PER2: variants seen among roughly 807,000 people sequenced by gnomAD.
The protein encoded by PER2 is period circadian protein homolog 2.
In PER2, 66 loss-of-function variants were observed where a neutral mutation model predicts 121.0. That is an observed-to-expected ratio of 0.55 (90% CI 0.45 to 0.67). The LOEUF (loss-of-function observed/expected upper bound fraction) is 0.67, where lower values mean the gene tolerates loss of function less well. Ranked by LOEUF, PER2 falls within the 30% of genes least tolerant of loss-of-function variation. The pLI is 0.00. For missense variants in PER2, 1,521 were observed against 1,635.0 expected (o/e 0.93, Z 1.20); for synonymous variants, 684 against 659.9 (o/e 1.04, Z -0.56).
chr2:238,272,550 T>C (rs1413434540), intron 5 of PER2, among the ~76,000 whole-genome samples: 1 of 152,214 alleles, frequency 6.6e-6, no homozygotes, highest in Non-Finnish European at 1.5e-5. Flanking sequence ...TCCCAGCACA[T>C]GTGGGATCCC....
chr2:238,258,678 T>G, intron 14 of PER2, 34 bp from the exon 15 acceptor site: 1 of 1,609,438 alleles, frequency 6.2e-7, no homozygotes, highest in Non-Finnish European at 8.5e-7. Context: ...TTTCATTCAT[T>G]TTTCTCCCAC....
chr2:238,283,027 C>G (rs998877132), intron 1 of PER2, among the ~76,000 whole-genome samples: 4 of 151,574 alleles, frequency 2.6e-5, no homozygotes, highest in East Asian at 1.9e-4. Flanking sequence ...CCTGTGTGGA[C>G]TCGGATGACG....
upstream of PER2, among the ~76,000 whole-genome samples, chr2:238,291,233 A>C (rs772409786): frequency 6.6e-6 from 1 of 152,184 alleles, no homozygotes; most frequent in African/African-American, 2.4e-5. Flanking sequence ...TCCCAGCTAA[A>C]GGCTGCTTGG....
chr2:238,265,606 A>G lies in PER2; in HGVS notation c.968-16T>C, dbSNP rs1321808269. ...ATTCTAGGGGCTGAAAGAACAGAATATTGCACACATTTGTGATCCTAAGAA... is the reference window on the plus strand; with the variant it reads ...ATTCTAGGGGCTGAAAGAACAGAATGTTGCACACATTTGTGATCCTAAGAA... On this transcript the variant is annotated splice_polypyrimidine_tract_variant and intron_variant, in intron 8 of 22. Transcript: ENST00000254657. 6.9e-7 allele frequency: 1 copy of G among 1,443,028 alleles called. No homozygotes were observed. The highest frequency in any genetic ancestry group is 1.4e-5 in the African/African-American group (1 of 71,462). 89.4% of individuals were successfully genotyped at this position (1,443,028 alleles called of 1,614,324 possible).
chr2:238,284,074 TAGA>T (rs1207979753), intron 1 of PER2, among the ~76,000 whole-genome samples: 2 of 152,122 alleles, frequency 1.3e-5, no homozygotes, highest in South Asian at 2.1e-4. Flanking sequence ...TACTGGTTGT[TAGA>T]AGGATTAAAT....
At chr2:238,287,481 C>T (rs1233983036) in intron 1 of PER2, among the ~76,000 whole-genome samples, 4 of 152,334 alleles carry the variant, frequency 2.6e-5, no homozygotes, top group South Asian at 4.1e-4. Flanking sequence ...AGGTGAGAGG[C>T]GTCCATGTGG....
Position 238,249,217 on chromosome 2 carries a change from G to A in PER2, c.3468-5C>T, listed in dbSNP as rs376683523. The A allele has an allele frequency of 2.2e-5, 35 of 1,612,346 alleles. No homozygotes were observed. Among genetic ancestry groups the A allele is most frequent in the African/African-American group, 6.7e-5 (5 of 75,018 alleles). ...TTCAAAACCGCTTCTAAATTTCTTC[G>A]CAAGATATTTAGAAATCGGTAAGCT... On this transcript the variant is annotated splice_polypyrimidine_tract_variant and splice_region_variant and intron_variant, in intron 21 of 22. Transcript: ENST00000254657.
In PER2 at chr2:238,258,555, A is replaced by C; in HGVS notation, c.1717T>G (p.Cys573Gly). ...TAGGAGCAGGTGGGCTGGTTCTTGC[A>C]GGCCAACTCCTCGGGGAAGCTGACC... ...LGVSFPEELACKNQPTCSYQQ... is the reference protein window; with the variant it reads ...LGVSFPEELAGKNQPTCSYQQ... The change falls in exon 15 of 23, where the codon TGC (cysteine) becomes GGC (glycine). Residue 573 changes from cysteine (C) to glycine (G), a missense_variant. By Grantham distance (159) the Cys-to-Gly change is radical (BLOSUM62 -3). Transcript: ENST00000254657. The C allele has an allele frequency of 6.2e-7, 1 of 1,614,156 alleles. No homozygotes were observed. The highest frequency in any genetic ancestry group is 8.5e-7 in the Non-Finnish European group (1 of 1,180,016).
chr2:238,274,691 C>T (rs764802782), intron 4 of PER2, among the ~76,000 whole-genome samples: 2 of 152,238 alleles, frequency 1.3e-5, no homozygotes, highest in Non-Finnish European at 2.9e-5. Context: ...GGCACGCAGG[C>T]CCAGAGCGGT....
upstream of PER2, chr2:238,289,911 A>T (rs1305322201): frequency 1.3e-5 from 2 of 152,256 alleles, no homozygotes; most frequent in South Asian, 4.1e-4. Flanking sequence ...GACAGGAAGG[A>T]GCTTTCAGGC....
intron 1 of PER2, among the ~76,000 whole-genome samples, chr2:238,279,367 G>A (rs920680361): frequency 1.3e-5 from 2 of 152,194 alleles, no homozygotes; most frequent in Non-Finnish European, 2.9e-5. Context: ...TGGTGCGCAG[G>A]AGATCGTTCT....
chr2:238,297,005 C>T, the PER2 span, among the ~76,000 whole-genome samples: 2 of 152,174 alleles, frequency 1.3e-5, no homozygotes, highest in African/African-American at 4.8e-5. Flanking sequence ...CGGGCTGGAG[C>T]AGTTTTTCCA....
intron 5 of PER2, among the ~76,000 whole-genome samples, chr2:238,272,156 G>A (rs1228932477): frequency 2.0e-4 from 30 of 152,206 alleles, no homozygotes; most frequent in Admixed American, 2.0e-3. Flanking sequence ...CAGATACTGG[G>A]AGGTCCAGCA....
upstream of PER2, among the ~76,000 whole-genome samples, chr2:238,291,163 G>A (rs141330698): frequency 5.3e-3 from 807 of 152,320 alleles, 8 homozygotes; most frequent in African/African-American, 0.018. Flanking sequence ...GGGTGGAGGT[G>A]GAGTGGTAAG....
chr2:238,287,954 G>A lies in PER2; in HGVS notation c.-20+395C>T, dbSNP rs538637497. ...ACCCCCATTCCCTTCTATCCAGTCC[G>A]GGGAAAGGGAATTAATACAGGGTGG... On this transcript the variant is annotated intron_variant, in intron 1 of 22. Coordinates refer to ENST00000254657, the MANE Select transcript of PER2 (RefSeq NM_022817.3). 2.0e-5 allele frequency among the ~76,000 whole-genome samples: 3 copies of A among 152,286 alleles called. No homozygotes were observed. The East Asian group carries it at 5.8e-4, about 29-fold the overall frequency.
rs189569034 is a variant in PER2 at position 238,282,343 on chromosome 2, C to T, written c.-19-4388G>A. Among the ~76,000 whole-genome samples, 18 of 152,358 alleles carry T rather than the reference C, an allele frequency of 1.2e-4. No homozygotes were observed. The East Asian group carries it at 3.3e-3, about 28-fold the overall frequency. On this transcript the variant is annotated intron_variant, in intron 1 of 22. Coordinates refer to ENST00000254657, the MANE Select transcript of PER2 (RefSeq NM_022817.3). ...TGTGCCTCCACCGCCGCTCTGTGGG[C>T]TTTCCTCGCCAGCACTGAGGGGCTG...
chr2:238,247,797 G>A (rs1695487998), intron 22 of PER2, among the ~76,000 whole-genome samples: 1 of 152,228 alleles, frequency 6.6e-6, no homozygotes, highest in Non-Finnish European at 1.5e-5. Flanking sequence ...GATGTGGATA[G>A]GTGGTCAGAT....
chr2:238,297,899 C>T, the PER2 span, among the ~76,000 whole-genome samples: 2 of 152,120 alleles, frequency 1.3e-5, no homozygotes, highest in Non-Finnish European at 2.9e-5. Flanking sequence ...GAGGACATGC[C>T]GCGTGTCTGG....
chr2:238,289,021 T>A (rs1294475856), upstream of PER2: 4 of 152,172 alleles, frequency 2.6e-5, no homozygotes, highest in East Asian at 5.8e-4. Context: ...TCCTCCCTAG[T>A]GGTCTCATCC....
Sources: gnomAD v4.1 joint callset for allele counts (sites outside exome capture counted in the v4.1 genomes callset) on GRCh38, gnomAD v4.1.1 for gene constraint, MANE v1.5 for transcripts, NCBI Gene and HGNC (gene_info 2026-07-23, HGNC 2026-07-21) for gene names.